The following OLFM3 variants were observed in gnomAD, a reference collection of about 807,000 sequenced individuals.
OLFM3 encodes the protein olfactomedin 3, also known as noelin-3.
Under a neutral mutation model 48.6 loss-of-function variants are expected in OLFM3, and 20 were observed. That is an observed-to-expected ratio of 0.41 (90% CI 0.29 to 0.60). OLFM3 has a LOEUF of 0.60. Ranked by LOEUF, OLFM3 falls within the 20% of genes least tolerant of loss-of-function variation. OLFM3 has a pLI of 0.28. For synonymous variants in OLFM3, 222 were observed against 198.1 expected (o/e 1.12, Z -1.01); for missense variants, 437 against 544.3 (o/e 0.80, Z 1.96).
chr1:101,876,584 T>G (rs1265713528), intron 1 of OLFM3, among the ~76,000 whole-genome samples: 2 of 151,948 alleles, frequency 1.3e-5, no homozygotes, highest in Non-Finnish European at 2.9e-5. Context: ...AATTTAAGCC[T>G]GACCAAAATA....
At chr1:101,984,104 G>A (rs1661170745) in intron 1 of OLFM3, among the ~76,000 whole-genome samples, 1 of 152,034 alleles carries the variant, frequency 6.6e-6, no homozygotes, top group East Asian at 1.9e-4. Flanking sequence ...GCTGAGCGTG[G>A]TGCCACACAC....
chr1:101,817,415 A>G (rs774937032), intron 4 of OLFM3, among the ~76,000 whole-genome samples: 19 of 152,140 alleles, frequency 1.2e-4, no homozygotes, highest in Non-Finnish European at 2.4e-4. Flanking sequence ...ATCTTACCAA[A>G]TGCAGTAATT....
intron 1 of OLFM3, among the ~76,000 whole-genome samples, chr1:101,932,464 G>A (rs920230745): frequency 6.6e-6 from 1 of 152,180 alleles, no homozygotes; most frequent in Non-Finnish European, 1.5e-5. Flanking sequence ...TAGACACTGG[G>A]CTGAAGGGGG....
intron 1 of OLFM3, among the ~76,000 whole-genome samples, chr1:101,902,119 C>T (rs960132717): frequency 4.0e-5 from 6 of 151,754 alleles, no homozygotes; most frequent in Middle Eastern, 3.4e-3. Flanking sequence ...GAATAAATTT[C>T]CAAATAGCTA....
intron 1 of OLFM3, among the ~76,000 whole-genome samples, chr1:101,848,963 T>C (rs1267679707): frequency 6.6e-6 from 1 of 152,152 alleles, no homozygotes; most frequent in Non-Finnish European, 1.5e-5. Context: ...AAAACAGTGC[T>C]CTGATTTGCA....
At chr1:101,865,667 CAT>C (rs1219238592) in intron 1 of OLFM3, among the ~76,000 whole-genome samples, 2 of 152,142 alleles carry the variant, frequency 1.3e-5, no homozygotes, top group African/African-American at 4.8e-5. Context: ...TCTATCCTAG[CAT>C]ATCCAATAGC....
intron 1 of OLFM3, among the ~76,000 whole-genome samples, chr1:101,843,037 C>T (rs1442218941): frequency 6.6e-6 from 1 of 152,134 alleles, no homozygotes; most frequent in Non-Finnish European, 1.5e-5. Flanking sequence ...CAGTCATATA[C>T]AAATCAGTTA....
intron 1 of OLFM3, among the ~76,000 whole-genome samples, chr1:101,866,052 T>C (rs1339043921): frequency 1.3e-5 from 2 of 152,192 alleles, no homozygotes; most frequent in Non-Finnish European, 2.9e-5. Flanking sequence ...GCTGAAGGAA[T>C]CTATCAGTAT....
chr1:101,906,152 T>C (rs1348277316), intron 1 of OLFM3, among the ~76,000 whole-genome samples: 1 of 152,112 alleles, frequency 6.6e-6, no homozygotes, highest in Non-Finnish European at 1.5e-5. Flanking sequence ...AACCAGAGTC[T>C]AGAGTCTTGG....
In OLFM3 at chr1:101,827,621, G is replaced by T. The variant is rs540713983; in HGVS notation, c.373-2376C>A. Among the ~76,000 whole-genome samples the T allele has an allele frequency of 1.2e-4, 18 of 152,182 alleles. No individual in the cohort carries two copies. The South Asian group carries it at 3.7e-3, about 32-fold the overall frequency. On this transcript the variant is annotated intron_variant, in intron 3 of 5. Transcript: ENST00000370103. ...CACCTAGAACAAAATCCAACTCATGGTAGGACTCAAGAAATAAATAAACTC... is the reference window on the plus strand; with the variant it reads ...CACCTAGAACAAAATCCAACTCATGTTAGGACTCAAGAAATAAATAAACTC...
At chr1:101,821,767 G>A (rs1037165891) in intron 4 of OLFM3, among the ~76,000 whole-genome samples, 2 of 152,074 alleles carry the variant, frequency 1.3e-5, no homozygotes, top group Non-Finnish European at 2.9e-5. Flanking sequence ...ATTTTATAAA[G>A]TCATCTCGAT....
At chr1:101,870,405 C>G (rs984600899) in intron 1 of OLFM3, among the ~76,000 whole-genome samples, 7 of 152,176 alleles carry the variant, frequency 4.6e-5, no homozygotes, top group African/African-American at 1.7e-4. Flanking sequence ...ACAGCTATCA[C>G]TGGGACTAGT....
At chr1:101,889,652 A>C (rs578046106) in intron 1 of OLFM3, among the ~76,000 whole-genome samples, 18 of 152,098 alleles carry the variant, frequency 1.2e-4, no homozygotes, top group Non-Finnish European at 2.1e-4. Context: ...AAAGTATAAT[A>C]ATAAAAATCA....
At chr1:101,936,917 A>T (rs1659637068) in intron 1 of OLFM3, among the ~76,000 whole-genome samples, 1 of 152,186 alleles carries the variant, frequency 6.6e-6, no homozygotes, top group Non-Finnish European at 1.5e-5. Context: ...CCACATGCCG[A>T]AGAGTGAAAC....
At chr1:101,892,553 G>T (rs1479547213) in intron 1 of OLFM3, among the ~76,000 whole-genome samples, 1 of 151,914 alleles carries the variant, frequency 6.6e-6, no homozygotes, top group Non-Finnish European at 1.5e-5. Context: ...CAATATGTTT[G>T]CTTCTCTTTT....
At chr1:101,994,037 A>G (rs1479914727) in intron 1 of OLFM3, among the ~76,000 whole-genome samples, 5 of 151,666 alleles carry the variant, frequency 3.3e-5, no homozygotes, top group Non-Finnish European at 7.4e-5. Flanking sequence ...CTGTTGTTAG[A>G]AAACCCAGTT....
intron 1 of OLFM3, among the ~76,000 whole-genome samples, chr1:101,936,431 A>C (rs1350931190): frequency 6.6e-6 from 1 of 152,166 alleles, no homozygotes; most frequent in African/African-American, 2.4e-5. Context: ...CTACACAATG[A>C]GAATTACAAA....
chr1:101,994,393 C>A lies in OLFM3; in HGVS notation c.69+2355G>T, dbSNP rs1412330405. Among the ~76,000 whole-genome samples the A allele has an allele frequency of 3.3e-5, 5 of 150,624 alleles. 1 individual carries two copies. Reference sequence around the variant, plus strand: ...TCCAAAAACTGTATTTTTTGTAGTACTATATTATTGGATTTTTAATTTTAA... The same window carrying A: ...TCCAAAAACTGTATTTTTTGTAGTAATATATTATTGGATTTTTAATTTTAA... On this transcript the variant is annotated intron_variant, in intron 1 of 5. Coordinates refer to ENST00000370103, the MANE Select transcript of OLFM3 (RefSeq NM_058170.4).
At chr1:101,851,582 T>C (rs1437168368) in intron 1 of OLFM3, among the ~76,000 whole-genome samples, 1 of 152,064 alleles carries the variant, frequency 6.6e-6, no homozygotes, top group Admixed American at 6.6e-5. Flanking sequence ...AATACAACTT[T>C]GCTGGATGAC....
Sources: allele counts gnomAD v4.1 joint callset (sites outside exome capture counted in the v4.1 genomes callset), GRCh38; gene constraint gnomAD v4.1.1; transcripts MANE v1.5; gene names NCBI Gene and HGNC (gene_info 2026-07-23, HGNC 2026-07-21).